Variants in ZC3H7B observed in about 807,000 individuals in gnomAD.
ZC3H7B encodes zinc finger CCCH domain-containing protein 7B.
Under a neutral mutation model 116.0 loss-of-function variants are expected in ZC3H7B, and 35 were observed. That is an observed-to-expected ratio of 0.30 (90% CI 0.23 to 0.40). ZC3H7B has a LOEUF of 0.40. ZC3H7B is among the 10% of genes least tolerant of loss of function. The pLI, the probability that ZC3H7B is intolerant of heterozygous loss-of-function variation, is 1.00. For synonymous variants in ZC3H7B, 502 were observed against 545.6 expected (o/e 0.92, Z 1.11); for missense variants, 1,011 against 1,321.5 (o/e 0.77, Z 3.64).
At chr22:41,319,144 G>A (rs527916511) in intron 1 of ZC3H7B, among the ~76,000 whole-genome samples, 8 of 152,092 alleles carry the variant, frequency 5.3e-5, no homozygotes, top group Non-Finnish European at 1.2e-4. Flanking sequence ...GCTCACGCCT[G>A]TAATCCCAGC....
At chr22:41,348,013 CACCCCCTTCCCAGGTG>C in intron 14 of ZC3H7B, 38 bp from the exon 15 acceptor site, 1 of 1,503,234 alleles carries the variant, frequency 6.7e-7, no homozygotes, top group Non-Finnish European at 9.3e-7. Context: ...GGTCCCAGCT[CACCCCCTTCCCAGGTG>C]GCCATGCCAG....
chr22:41,342,760 GC>G, intron 12 of ZC3H7B, 132 bp downstream of exon 12: 1 of 923,358 alleles, frequency 1.1e-6, no homozygotes, highest in South Asian at 1.7e-5. Context: ...CCCCTCTGGG[GC>G]AGAAAAGGAA....
At chr22:41,308,868 C>T (rs34011394) in intron 1 of ZC3H7B, among the ~76,000 whole-genome samples, 57,006 of 151,846 alleles carry the variant, frequency 0.38, 11,549 homozygotes, top group Non-Finnish European at 0.45. Context: ...CAGCTTGTTC[C>T]CACCTCAGGG....
intron 1 of ZC3H7B, among the ~76,000 whole-genome samples, chr22:41,320,052 G>A (rs2036235137): frequency 6.6e-6 from 1 of 151,156 alleles, no homozygotes; most frequent in Non-Finnish European, 1.5e-5. Flanking sequence ...AAAATGGGGG[G>A]CCGGGCATAG....
chr22:41,358,231 C>T lies in ZC3H7B; in HGVS notation c.*802C>T, dbSNP rs2036746371. ...AAAACAGGGCTGAAAAGACTCAGGG[C>T]CAATTATTGGCTGAGCCCACGGTCC... is the stretch of plus-strand genomic sequence containing the variant. On this transcript the variant is annotated 3_prime_UTR_variant, in exon 23 of 23. Coordinates refer to ENST00000352645, the MANE Select transcript of ZC3H7B (RefSeq NM_017590.6). 6.6e-6 allele frequency: 1 copy of T among 152,156 alleles called. No individual in the cohort carries two copies. The allele number at this position is 152,156 out of a possible 1,614,324, so 9.4% of individuals were successfully genotyped here.
chr22:41,324,984 G>A (rs752594571), intron 2 of ZC3H7B, among the ~76,000 whole-genome samples: 10 of 152,136 alleles, frequency 6.6e-5, no homozygotes, highest in Non-Finnish European at 1.2e-4. Context: ...GCCTTCCCCC[G>A]CTCTGCCTTG....
Position 41,340,010 on chromosome 22 carries a change from T to A in ZC3H7B, c.1011T>A (p.Asp337Glu). The stretch of plus-strand genomic sequence containing the variant: ...AGAAGCTGGCCGCCTCTGTGCTGGA[T>A]GCCCTCGATCCCCCGGGCCCCACGC... Reference protein sequence around the residue: ...PSKKLAASVLDALDPPGPTLD... With the variant: ...PSKKLAASVLEALDPPGPTLD... Residue 337 changes from aspartate (D) to glutamate (E), a missense_variant, in exon 10 of 23, where the codon GAT becomes GAA. By Grantham distance (45) the Asp-to-Glu change is conservative. Coordinates refer to ENST00000352645, the MANE Select transcript of ZC3H7B (RefSeq NM_017590.6). The A allele has an allele frequency of 6.2e-7, 1 of 1,611,236 alleles. No homozygotes were observed.
intron 14 of ZC3H7B, among the ~76,000 whole-genome samples, 161 bp from the exon 15 acceptor site, chr22:41,347,906 A>G (rs1288051945): frequency 6.6e-6 from 1 of 152,114 alleles, no homozygotes; most frequent in Admixed American, 6.5e-5. Context: ...GGAAGCAGAG[A>G]GGCAAGACCA....
chr22:41,311,816 T>C (rs978607760), intron 1 of ZC3H7B, among the ~76,000 whole-genome samples: 59 of 151,996 alleles, frequency 3.9e-4, no homozygotes, highest in African/African-American at 1.4e-3. Context: ...CTGGGCAGAA[T>C]AAGACGAGCC....
rs147474716 is a variant in ZC3H7B, at chr22:41,328,761, G to T, written c.445-1262G>T. ...CCAGGCACTGTTACAAGCTTTCTAT[G>T]CCCTGCCTCCTTGGAGCCTTACAAC... is the stretch of plus-strand genomic sequence containing the variant. On this transcript the variant is annotated intron_variant, in intron 5 of 22. Coordinates refer to ENST00000352645, the MANE Select transcript of ZC3H7B (RefSeq NM_017590.6). Among the ~76,000 whole-genome samples, 16 of 152,192 alleles carry T rather than the reference G, an allele frequency of 1.1e-4. No individual in the cohort carries two copies. The East Asian group carries it at 3.1e-3, about 29-fold the overall frequency.
chr22:41,320,024 C>CGCA (rs2036234605), intron 1 of ZC3H7B, among the ~76,000 whole-genome samples: 1 of 133,808 alleles, frequency 7.5e-6, no homozygotes, highest in Non-Finnish European at 1.5e-5. Flanking sequence ...GAGCGAGACT[C>CGCA]CATCTCAAAA....
chr22:41,348,237 G>A (rs1428989282), intron 15 of ZC3H7B, 70 bp downstream of exon 15: 1 of 1,382,784 alleles, frequency 7.2e-7, no homozygotes, highest in African/African-American at 1.4e-5. Flanking sequence ...AGCTCAGATG[G>A]CTGAGGAAAG....
At chr22:41,316,133 A>G (rs1444412041) in intron 1 of ZC3H7B, among the ~76,000 whole-genome samples, 1 of 151,514 alleles carries the variant, frequency 6.6e-6, no homozygotes, top group Admixed American at 6.6e-5. Context: ...AACTGGGATT[A>G]TAGGAATGCG....
At chr22:41,316,794 C>A (rs941811975) in intron 1 of ZC3H7B, among the ~76,000 whole-genome samples, 4 of 152,058 alleles carry the variant, frequency 2.6e-5, no homozygotes, top group Admixed American at 1.3e-4. Flanking sequence ...CCTGCCTTAG[C>A]CTCCTGAGTA....
In ZC3H7B at chr22:41,320,736, C is replaced by T. The variant is rs1423977710; in HGVS notation, c.53+23C>T. 1.3e-5 allele frequency: 20 copies of T among 1,555,880 alleles called. No homozygotes were observed. In the East Asian group the frequency reaches 4.7e-4, roughly 37 times the overall value. On this transcript the variant is annotated intron_variant, in intron 2 of 22. Coordinates refer to ENST00000352645, the MANE Select transcript of ZC3H7B (RefSeq NM_017590.6). ...TCAGTAAGCCTGCATGCGGCAGGGG[C>T]TGGACGGCTGGGTGGGCAAGGGTGG... is the stretch of plus-strand genomic sequence containing the variant.
Position 41,354,590 on chromosome 22 carries a change from C to T in ZC3H7B, c.2035-879C>T, listed in dbSNP as rs989293901. Among the ~76,000 whole-genome samples the T allele has an allele frequency of 3.3e-5, 5 of 152,200 alleles. No homozygotes were observed. The South Asian group carries it at 8.3e-4, about 25-fold the overall frequency. On this transcript the variant is annotated intron_variant, in intron 17 of 22. Coordinates refer to ENST00000352645, the MANE Select transcript of ZC3H7B (RefSeq NM_017590.6). ...AAGGGGTGACCCTGCACTCGAGGCT[C>T]CTGGGAAGACGGGGAGGCTTGAGGT...
At chr22:41,343,981 A>G (rs985867600) in intron 13 of ZC3H7B, among the ~76,000 whole-genome samples, 1 of 152,142 alleles carries the variant, frequency 6.6e-6, no homozygotes, top group African/African-American at 2.4e-5. Context: ...GGCTCCATCC[A>G]CTTGAGCTCT....
At position 41,343,528 on chromosome 22, in the gene ZC3H7B, C is replaced by T; in HGVS notation, c.1411C>T (p.Pro471Ser). The T allele has an allele frequency of 6.2e-7, 1 of 1,613,054 alleles. No homozygotes were observed. Among genetic ancestry groups the T allele is most frequent in the Non-Finnish European group, 8.5e-7 (1 of 1,179,586 alleles). Residue 471 changes from proline to serine, a missense_variant, in exon 13 of 23, where the codon CCC (proline) becomes TCC (serine). By Grantham distance (74) the Pro-to-Ser change is moderately conservative. Around this residue, in one of 5 missense-constraint regions of ZC3H7B, gnomAD observed 179 missense variants for 178.5 expected, o/e 1.00. Coordinates refer to ENST00000352645, the MANE Select transcript of ZC3H7B (RefSeq NM_017590.6). ...SEDQTWKRIR[P>S]RPTKTSFVGS... is the part of the protein sequence containing the mutation. Reference sequence around the variant, plus strand: ...GGACCAGACCTGGAAGCGGATCCGGCCCCGGCCCACTAAGACCAGCTTCGT... The same window carrying T: ...GGACCAGACCTGGAAGCGGATCCGGTCCCGGCCCACTAAGACCAGCTTCGT...
intron 1 of ZC3H7B, among the ~76,000 whole-genome samples, chr22:41,310,492 G>A (rs1005984852): frequency 3.8e-4 from 58 of 152,186 alleles, no homozygotes; most frequent in Non-Finnish European, 5.9e-4. Flanking sequence ...CACAAGGCAC[G>A]AAAGCAAGCA....
Sources: allele counts gnomAD v4.1 joint callset (sites outside exome capture counted in the v4.1 genomes callset), GRCh38; gene constraint gnomAD v4.1.1; regional missense constraint gnomAD v4.1.1; transcripts MANE v1.5; gene names NCBI Gene and HGNC (gene_info 2026-07-23, HGNC 2026-07-21).